Variants in TRIM23 observed in about 807,000 individuals in gnomAD.
TRIM23 encodes E3 ubiquitin-protein ligase TRIM23.
A neutral mutation model predicts 71.0 loss-of-function variants in TRIM23; 27 were observed. That is an observed-to-expected ratio of 0.38 (90% CI 0.28 to 0.52). TRIM23 has a LOEUF of 0.52. TRIM23 is among the 20% of genes least tolerant of loss of function. The pLI is 0.84. For missense variants in TRIM23, 482 were observed against 692.3 expected (o/e 0.70, Z 3.41); for synonymous variants, 234 against 238.0 (o/e 0.98, Z 0.16).
intron 1 of TRIM23, among the ~76,000 whole-genome samples, chr5:65,623,037 G>A (rs1003085761): frequency 5.9e-5 from 9 of 152,080 alleles, no homozygotes; most frequent in East Asian, 3.8e-4. Flanking sequence ...CAGATATGCC[G>A]TGTACCTGTA....
intron 7 of TRIM23, among the ~76,000 whole-genome samples, chr5:65,600,493 TA>T (rs962774119): frequency 3.3e-5 from 5 of 151,460 alleles, no homozygotes; most frequent in African/African-American, 1.2e-4. Context: ...TTACACCACC[TA>T]AAAAAATTAA....
chr5:65,617,425 C>T (rs753100564), intron 2 of TRIM23, among the ~76,000 whole-genome samples: 9 of 152,128 alleles, frequency 5.9e-5, no homozygotes, highest in Non-Finnish European at 1.2e-4. Context: ...CAACCTTAAA[C>T]TCTTTTGGAG....
At chr5:65,606,050 AATCT>A (rs1305193486) in intron 6 of TRIM23, among the ~76,000 whole-genome samples, 17 of 152,180 alleles carry the variant, frequency 1.1e-4, no homozygotes, top group African/African-American at 4.1e-4. Context: ...GCCTTCTTTC[AATCT>A]ATTTTAGACA....
Position 65,609,446 on chromosome 5 carries a change from C to T in TRIM23, c.841G>A (p.Ala281Thr). 1 of 1,613,952 alleles carries T rather than the reference C, an allele frequency of 6.2e-7. No individual in the cohort carries two copies. The highest frequency in any genetic ancestry group is 8.5e-7 in the Non-Finnish European group (1 of 1,179,914). ...MAHTEHVPGT[A>T]ENARSCIRAY... ...CGAATACATGACCGGGCATTCTCTG[C>T]AGTCCCTGGTACCTAAGAAAATGAA... Residue 281 changes from alanine to threonine, a missense_variant, in exon 6 of 11, where the codon GCA becomes ACA. Transcript: ENST00000231524.
At chr5:65,615,791 C>T (rs1040693740) in intron 2 of TRIM23, among the ~76,000 whole-genome samples, 1 of 152,136 alleles carries the variant, frequency 6.6e-6, no homozygotes, top group African/African-American at 2.4e-5. Context: ...TAGGTAGTGC[C>T]TAATATTTAT....
chr5:65,606,880 ATATGGT>A (rs1754521716), intron 6 of TRIM23: 2 of 152,226 alleles, frequency 1.3e-5, no homozygotes, highest in Admixed American at 1.3e-4. Flanking sequence ...ACTTACTTAG[ATATGGT>A]TATGGTTTAT....
Position 65,591,493 on chromosome 5 carries a change from A to G in TRIM23, c.*276T>C. 1.3e-6 allele frequency: 2 copies of G among 1,581,978 alleles called. No homozygotes were observed. The highest frequency in any genetic ancestry group is 1.7e-6 in the Non-Finnish European group (2 of 1,165,074). ...TTTCCCAGTATATTGGTCACATATT[A>G]TCTGAAAAACTTAAATAACAAATAT... On this transcript the variant is annotated 3_prime_UTR_variant, in exon 11 of 11. Coordinates refer to ENST00000231524, the MANE Select transcript of TRIM23 (RefSeq NM_001656.4).
intron 6 of TRIM23, chr5:65,606,998 A>G (rs534349786): frequency 4.6e-5 from 7 of 152,366 alleles, no homozygotes; most frequent in African/African-American, 1.4e-4. Context: ...TAGCTACTCA[A>G]TACATATTTG....
At chr5:65,610,505 T>C (rs927972022) in intron 5 of TRIM23, among the ~76,000 whole-genome samples, 2 of 152,236 alleles carry the variant, frequency 1.3e-5, no homozygotes, top group African/African-American at 4.8e-5. Context: ...TTTAACATAT[T>C]GTTCCCTTCT....
At chr5:65,609,494 T>C in intron 5 of TRIM23, 36 bp from the exon 6 acceptor site, 1 of 1,578,930 alleles carries the variant, frequency 6.3e-7, no homozygotes, top group Admixed American at 1.8e-5. Flanking sequence ...GCAACTGTAA[T>C]GTTAATAAAG....
At chr5:65,622,121 T>G in intron 1 of TRIM23, among the ~76,000 whole-genome samples, 1 of 151,846 alleles carries the variant, frequency 6.6e-6, no homozygotes, top group East Asian at 1.9e-4. Context: ...GTGTGAAACT[T>G]TCTGTGATAC....
intron 1 of TRIM23, among the ~76,000 whole-genome samples, chr5:65,622,170 T>C (rs996368370): frequency 2.0e-5 from 3 of 151,964 alleles, no homozygotes; most frequent in African/African-American, 7.3e-5. Context: ...TCAGATTTTT[T>C]ATCTTTTATT....
At chr5:65,607,318 C>T (rs1013455918) in intron 6 of TRIM23, among the ~76,000 whole-genome samples, 4 of 152,126 alleles carry the variant, frequency 2.6e-5, no homozygotes, top group African/African-American at 9.7e-5. Context: ...GGTTTGGCTC[C>T]GTGTCCTCAC....
chr5:65,593,379 G>A (rs1231544173), intron 10 of TRIM23, among the ~76,000 whole-genome samples: 1 of 152,154 alleles, frequency 6.6e-6, no homozygotes, highest in Non-Finnish European at 1.5e-5. Context: ...AGGTTGCAGT[G>A]AGCAGAGGTT....
At chr5:65,597,724 G>C (rs1174069845) in intron 7 of TRIM23, among the ~76,000 whole-genome samples, 1 of 151,898 alleles carries the variant, frequency 6.6e-6, no homozygotes, top group East Asian at 1.9e-4. Flanking sequence ...TCTTTTAATG[G>C]CTTCTTTACA....
chr5:65,599,127 A>G lies in TRIM23; in HGVS notation c.1180-1947T>C, dbSNP rs116269548. The stretch of plus-strand genomic sequence containing the variant: ...AAATTGTAAAGGAAGATGTAAAATT[A>G]TATCTCTTCACAGATGACATGATCT... On this transcript the variant is annotated intron_variant, in intron 7 of 10. Transcript: ENST00000231524. Among the ~76,000 whole-genome samples, 511 of 152,322 alleles carry G rather than the reference A, an allele frequency of 3.4e-3. 4 individuals carry two copies. The highest frequency in any genetic ancestry group is 0.012 in the African/African-American group (491 of 41,580).
At chr5:65,600,440 C>T (rs746591704) in intron 7 of TRIM23, among the ~76,000 whole-genome samples, 1 of 151,924 alleles carries the variant, frequency 6.6e-6, no homozygotes, top group Non-Finnish European at 1.5e-5. Flanking sequence ...ATAAATGATG[C>T]TGGGGAAACT....
intron 4 of TRIM23, among the ~76,000 whole-genome samples, chr5:65,611,386 T>C (rs1406402310): frequency 4.6e-5 from 7 of 152,180 alleles, no homozygotes; most frequent in Non-Finnish European, 1.5e-5. Context: ...AAGCTATTTT[T>C]TTGTGAAGAA....
chr5:65,594,478 A>T, intron 10 of TRIM23, 43 bp downstream of exon 10: 4 of 1,582,376 alleles, frequency 2.5e-6, no homozygotes, highest in Non-Finnish European at 3.4e-6. Context: ...TTTGACATGC[A>T]CAAAACTACT....
Sources: allele counts gnomAD v4.1 joint callset (sites outside exome capture counted in the v4.1 genomes callset), GRCh38; gene constraint gnomAD v4.1.1; transcripts MANE v1.5; gene names NCBI Gene and HGNC (gene_info 2026-07-23, HGNC 2026-07-21).